Variants in SRGAP2C observed in about 807,000 individuals in gnomAD.
SRGAP2C encodes the protein SLIT-ROBO Rho GTPase activating protein 2C.
SRGAP2C carries 15 observed loss-of-function variants against 25.1 expected under a neutral mutation model. The ratio of observed to expected loss-of-function variants is 0.60; its 90% confidence interval spans 0.40 to 0.92. The LOEUF (loss-of-function observed/expected upper bound fraction) is 0.92, where lower values mean the gene tolerates loss of function less well. Ranked by LOEUF, SRGAP2C falls within the 40% of genes least tolerant of loss-of-function variation. SRGAP2C has a pLI of 0.00. For synonymous variants in SRGAP2C, 44 were observed against 96.6 expected, an observed-to-expected ratio of 0.46 and a Z score of 3.19; for missense variants, 144 against 264.4, an observed-to-expected ratio of 0.54 and a Z score of 3.16.
At chr1:121,275,045 C>A (rs1657069694) in intron 2 of SRGAP2C, among the ~76,000 whole-genome samples, 2 of 150,578 alleles carry the variant, frequency 1.3e-5, no homozygotes, top group Non-Finnish European at 3.0e-5. Flanking sequence ...TTAAATCCCC[C>A]CCACCCAAGG....
chr1:121,185,019 A>C lies in SRGAP2C; in HGVS notation c.-648A>C. 3.9e-6 allele frequency: 2 copies of C among 509,006 alleles called. No individual in the cohort carries two copies. 31.5% of individuals were successfully genotyped at this position (509,006 alleles called of 1,614,324 possible). ...GGAGGCGGCGGAGGCTCCTCCAGGG[A>C]CTGGGGCACCGATCTGCGTAGAAAC... On this transcript the variant is annotated 5_prime_UTR_variant, in exon 1 of 10. Transcript: ENST00000367123.
chr1:121,288,872 A>T lies in SRGAP2C; in HGVS notation c.260+3877A>T, dbSNP rs1317877723. ...GGTGTATTTACAGTCCTTGAGCTAG[A>T]CATAAAGGTTCTCCACGTCCTCACT... On this transcript the variant is annotated intron_variant, in intron 3 of 9. Coordinates refer to ENST00000367123, the MANE Select transcript of SRGAP2C (RefSeq NM_001329984.2). Among the ~76,000 whole-genome samples the T allele has an allele frequency of 6.7e-5, 5 of 74,300 alleles. 2 individuals are homozygous for T. Among genetic ancestry groups the T allele is most frequent in the East Asian group, 1.3e-3 (2 of 1,578 alleles). The allele number at this position is 74,300 out of a possible 152,430, so 48.7% of individuals were successfully genotyped here.
At chr1:121,314,869 G>C (rs1553340417) in intron 3 of SRGAP2C, 12 of 560,158 alleles carry the variant, frequency 2.1e-5, no homozygotes, top group Non-Finnish European at 3.3e-5. Flanking sequence ...CTTCTGTGTC[G>C]CTCACGCTGG....
intron 2 of SRGAP2C, among the ~76,000 whole-genome samples, chr1:121,282,847 C>T (rs1262031363): frequency 1.3e-5 from 2 of 150,752 alleles, no homozygotes; most frequent in Admixed American, 6.6e-5. Context: ...CGTGAGCCAC[C>T]GCACCTGGCA....
intron 3 of SRGAP2C, among the ~76,000 whole-genome samples, chr1:121,294,501 C>T (rs1194657688): frequency 7.1e-5 from 10 of 140,162 alleles, no homozygotes; most frequent in African/African-American, 1.3e-4. Flanking sequence ...AAATGTATTC[C>T]TATTTGTTGC....
rs1553341486 is a variant in SRGAP2C, at chr1:121,324,500, C to T, written c.283C>T (p.Pro95Ser). Reference protein sequence around the residue: ...QFKKDQNVLSPVNCWNLLLNQ... With the variant: ...QFKKDQNVLSSVNCWNLLLNQ... The stretch of plus-strand genomic sequence containing the variant: ...CAGGAAGGATCAGAATGTTCTCTCT[C>T]CAGTCAACTGCTGGAATCTCCTCTT... The change falls in exon 4 of 10, where the codon CCA becomes TCA. Residue 95 changes from proline to serine, a missense_variant. Pro to Ser is a moderately conservative substitution (Grantham distance 74). This residue lies in a region of SRGAP2C where 61 missense variants were observed against 61.7 expected (regional missense o/e 0.99). Transcript: ENST00000367123. 6.2e-7 allele frequency: 1 copy of T among 1,613,268 alleles called. No homozygotes were observed. Among genetic ancestry groups the T allele is most frequent in the Non-Finnish European group, 8.5e-7 (1 of 1,179,306 alleles).
intron 5 of SRGAP2C, among the ~76,000 whole-genome samples, chr1:121,372,180 G>A (rs1364282994): frequency 6.6e-5 from 10 of 151,758 alleles, no homozygotes; most frequent in Non-Finnish European, 1.5e-4. Flanking sequence ...AGACTCTAAT[G>A]TACTTTGATT....
chr1:121,335,459 GAT>G (rs1658493999), intron 4 of SRGAP2C, among the ~76,000 whole-genome samples: 2 of 114,342 alleles, frequency 1.7e-5, no homozygotes, highest in Non-Finnish European at 3.5e-5. Flanking sequence ...TTTTATTTCA[GAT>G]TTTTTTTTTT....
chr1:121,273,912 C>G (rs2101552602), intron 2 of SRGAP2C, among the ~76,000 whole-genome samples: 1 of 151,722 alleles, frequency 6.6e-6, no homozygotes, highest in African/African-American at 2.4e-5. Flanking sequence ...CACTGTCAGG[C>G]TGGTGCATCA....
At chr1:121,273,986 A>G (rs587706811) in intron 2 of SRGAP2C, among the ~76,000 whole-genome samples, 41 of 151,568 alleles carry the variant, frequency 2.7e-4, no homozygotes, top group African/African-American at 9.9e-4. Context: ...TTCAGCCAGC[A>G]GCAAGGTAGT....
At chr1:121,206,225 T>G (rs1265940845) in intron 2 of SRGAP2C, among the ~76,000 whole-genome samples, 6 of 150,610 alleles carry the variant, frequency 4.0e-5, no homozygotes, top group Admixed American at 6.6e-5. Flanking sequence ...CAGACTACAC[T>G]CACTACCAGA....
intron 3 of SRGAP2C, among the ~76,000 whole-genome samples, chr1:121,296,160 G>T (rs1570767660): frequency 6.6e-6 from 1 of 150,782 alleles, no homozygotes; most frequent in Admixed American, 6.6e-5. Flanking sequence ...TAAGGTGTTG[G>T]AAGAGTATTG....
At chr1:121,307,738 TCTTGATAATTC>T (rs2101592178) in intron 3 of SRGAP2C, among the ~76,000 whole-genome samples, 1 of 151,308 alleles carries the variant, frequency 6.6e-6, no homozygotes, top group Non-Finnish European at 1.5e-5. Flanking sequence ...TACTTCTGGA[TCTTGATAATTC>T]CTTGATAGTC....
chr1:121,230,899 G>C (rs1655800873), intron 2 of SRGAP2C, among the ~76,000 whole-genome samples: 1 of 150,480 alleles, frequency 6.6e-6, no homozygotes, highest in Non-Finnish European at 1.5e-5. Flanking sequence ...CATGGATGAA[G>C]CTGGAAACCA....
chr1:121,343,297 C>T (rs1283242929), intron 4 of SRGAP2C, among the ~76,000 whole-genome samples: 1 of 152,118 alleles, frequency 6.6e-6, no homozygotes, highest in Non-Finnish European at 1.5e-5. Context: ...CCAGTGGAAT[C>T]TAATTCCATC....
intron 2 of SRGAP2C, among the ~76,000 whole-genome samples, chr1:121,239,776 A>G (rs1236802174): frequency 5.3e-5 from 8 of 152,204 alleles, no homozygotes; most frequent in South Asian, 2.1e-4. Context: ...ACAGTCATAC[A>G]AGAGCAGAGT....
chr1:121,289,027 G>T (rs1657435843), intron 3 of SRGAP2C, among the ~76,000 whole-genome samples: 1 of 146,556 alleles, frequency 6.8e-6, no homozygotes, highest in Admixed American at 6.8e-5. Context: ...AGACTCAGGA[G>T]CCCAGTTGGC....
chr1:121,211,136 C>T (rs1276432179), intron 2 of SRGAP2C, among the ~76,000 whole-genome samples: 1 of 151,312 alleles, frequency 6.6e-6, no homozygotes, highest in Non-Finnish European at 1.5e-5. Flanking sequence ...GACTCTTCAG[C>T]AATTAACACC....
At chr1:121,324,018 T>G (rs1437797384) in intron 3 of SRGAP2C, among the ~76,000 whole-genome samples, 2 of 152,206 alleles carry the variant, frequency 1.3e-5, no homozygotes, top group African/African-American at 4.8e-5. Context: ...AGCCAGACAA[T>G]GCAGAACTGT....
Sources: gnomAD v4.1 joint callset for allele counts (sites outside exome capture counted in the v4.1 genomes callset) on GRCh38, gnomAD v4.1.1 for gene constraint, gnomAD v4.1.1 regional missense constraint, MANE v1.5 for transcripts, NCBI Gene and HGNC (gene_info 2026-07-23, HGNC 2026-07-21) for gene names.